Variants in THEMIS observed in about 807,000 individuals in gnomAD.
The protein encoded by THEMIS is thymocyte selection associated.
In THEMIS, 37 loss-of-function variants were observed where a neutral mutation model predicts 52.6. The ratio of observed to expected loss-of-function variants is 0.70; its 90% confidence interval spans 0.54 to 0.93. The LOEUF is 0.93. Among genes scored for constraint, THEMIS ranks in the 40% least tolerant of loss-of-function variants. The pLI is 0.00. For synonymous variants in THEMIS, 292 were observed against 272.7 expected, an observed-to-expected ratio of 1.07 and a Z score of -0.70; for missense variants, 808 against 763.1, an observed-to-expected ratio of 1.06 and a Z score of -0.69.
At chr6:127,858,877 A>T (rs1779705358) in intron 1 of THEMIS, among the ~76,000 whole-genome samples, 1 of 152,076 alleles carries the variant, frequency 6.6e-6, no homozygotes, top group Non-Finnish European at 1.5e-5. Context: ...GTGATCAAAC[A>T]TTGCCCCTGA....
At chr6:127,746,829 T>C (rs1775422140) in intron 4 of THEMIS, among the ~76,000 whole-genome samples, 2 of 42,206 alleles carry the variant, frequency 4.7e-5, no homozygotes, top group Non-Finnish European at 7.3e-5. Context: ...TATATTATTA[T>C]ATAATTATAT....
intron 4 of THEMIS, among the ~76,000 whole-genome samples, chr6:127,798,965 C>T (rs1777427962): frequency 7.1e-6 from 1 of 140,154 alleles, no homozygotes. Flanking sequence ...GCAGTCCAGC[C>T]TGGGCGACAG....
chr6:127,717,977 G>T (rs921972535), intron 5 of THEMIS, among the ~76,000 whole-genome samples: 15 of 151,814 alleles, frequency 9.9e-5, no homozygotes, highest in African/African-American at 3.4e-4. Flanking sequence ...CTCAAAGAAG[G>T]CTACTACATA....
chr6:127,697,545 T>C, the THEMIS span, among the ~76,000 whole-genome samples: 1 of 152,182 alleles, frequency 6.6e-6, no homozygotes, highest in African/African-American at 2.4e-5. Flanking sequence ...TAATGTTACC[T>C]CCAAAGCTCC....
chr6:127,742,665 C>T (rs1775249385), intron 4 of THEMIS, among the ~76,000 whole-genome samples: 1 of 151,766 alleles, frequency 6.6e-6, no homozygotes. Context: ...ATACACCAGA[C>T]ACAAAAGGTC....
At chr6:127,880,388 A>AAT (rs71272308) in intron 1 of THEMIS, among the ~76,000 whole-genome samples, 38,684 of 151,664 alleles carry the variant, frequency 0.26, 5,375 homozygotes, top group Middle Eastern at 0.42. Flanking sequence ...TACTGGAATA[A>AAT]ATATATATGC....
intron 4 of THEMIS, among the ~76,000 whole-genome samples, chr6:127,786,368 T>C (rs1776949205): frequency 6.6e-6 from 1 of 152,174 alleles, no homozygotes; most frequent in African/African-American, 2.4e-5. Context: ...CGTTGTGAAA[T>C]AGAATCTGTA....
chr6:127,776,102 GTTAT>G (rs1776557421), intron 4 of THEMIS, among the ~76,000 whole-genome samples: 2 of 152,048 alleles, frequency 1.3e-5, no homozygotes, highest in African/African-American at 4.8e-5. Context: ...ATAACTTTTT[GTTAT>G]TTATTTCCAA....
At chr6:127,864,212 G>A (rs575182889) in intron 1 of THEMIS, among the ~76,000 whole-genome samples, 90 of 151,930 alleles carry the variant, frequency 5.9e-4, no homozygotes, top group Admixed American at 3.6e-3. Context: ...GGGGCACAGT[G>A]CATGACATAA....
chr6:127,743,864 G>T (rs1187104456), intron 4 of THEMIS, among the ~76,000 whole-genome samples: 2 of 152,072 alleles, frequency 1.3e-5, no homozygotes, highest in East Asian at 3.9e-4. Flanking sequence ...ATGACTACAG[G>T]TATTTCCCTA....
intron 4 of THEMIS, among the ~76,000 whole-genome samples, chr6:127,736,118 C>CT (rs1774996881): frequency 6.6e-6 from 1 of 152,050 alleles, no homozygotes; most frequent in South Asian, 2.1e-4. Context: ...GCCCAGTTGT[C>CT]TTTTTTACCT....
chr6:127,698,750 C>T, the THEMIS span, among the ~76,000 whole-genome samples: 1 of 151,964 alleles, frequency 6.6e-6, no homozygotes, highest in Admixed American at 6.6e-5. Context: ...AGTCCCCACC[C>T]AGGCCCAGAA....
intron 4 of THEMIS, among the ~76,000 whole-genome samples, chr6:127,755,285 A>C (rs1165838226): frequency 6.6e-6 from 1 of 152,218 alleles, no homozygotes; most frequent in Non-Finnish European, 1.5e-5. Flanking sequence ...ATACTTTTAA[A>C]TTAAAAGTTC....
chr6:127,818,321 A>G (rs982064889), intron 3 of THEMIS, among the ~76,000 whole-genome samples: 1 of 152,144 alleles, frequency 6.6e-6, no homozygotes, highest in Admixed American at 6.5e-5. Flanking sequence ...ATAACATACG[A>G]CCACATCAAC....
intron 4 of THEMIS, among the ~76,000 whole-genome samples, chr6:127,753,862 T>C (rs1436663388): frequency 6.6e-6 from 1 of 152,054 alleles, no homozygotes; most frequent in Non-Finnish European, 1.5e-5. Flanking sequence ...TGTATTCTTA[T>C]ATTTAAAAAT....
At chr6:127,795,573 C>T (rs1014704078) in intron 4 of THEMIS, among the ~76,000 whole-genome samples, 4 of 152,138 alleles carry the variant, frequency 2.6e-5, no homozygotes, top group African/African-American at 9.7e-5. Flanking sequence ...CGTGATCTGC[C>T]CGCCTCGGCC....
intron 1 of THEMIS, among the ~76,000 whole-genome samples, chr6:127,915,639 C>T (rs558040542): frequency 2.0e-5 from 3 of 148,716 alleles, no homozygotes; most frequent in Non-Finnish European, 4.5e-5. Context: ...ACACATAAAC[C>T]TTTAATACCA....
chr6:127,804,298 G>A (rs972543995), intron 4 of THEMIS, among the ~76,000 whole-genome samples: 12 of 152,074 alleles, frequency 7.9e-5, no homozygotes, highest in African/African-American at 2.9e-4. Flanking sequence ...GTGCCAAATA[G>A]TACCTAGTAT....
At chr6:127,806,740 G>A (rs1056850151) in intron 4 of THEMIS, among the ~76,000 whole-genome samples, 12 of 152,152 alleles carry the variant, frequency 7.9e-5, no homozygotes, top group African/African-American at 2.9e-4. Flanking sequence ...TATCAACACA[G>A]TACATGTCAT....
Sources: gnomAD v4.1 joint callset for allele counts (sites outside exome capture counted in the v4.1 genomes callset) on GRCh38, gnomAD v4.1.1 for gene constraint, MANE v1.5 for transcripts, NCBI Gene and HGNC (gene_info 2026-07-23, HGNC 2026-07-21) for gene names.